GIGYF2: variants seen among roughly 807,000 people sequenced by gnomAD.
GIGYF2 encodes the protein GRB10 interacting GYF protein 2, also known as GRB10-interacting GYF protein 2.
GIGYF2 carries 25 observed loss-of-function variants against 208.1 expected under a neutral mutation model. The observed-to-expected ratio is 0.12, with a 90% CI of 0.09 to 0.17. GIGYF2 has a LOEUF of 0.17. Among genes scored for constraint, GIGYF2 ranks in the 10% least tolerant of loss-of-function variants. The pLI, the probability that GIGYF2 is intolerant of heterozygous loss-of-function variation, is 1.00. For synonymous variants in GIGYF2, 534 were observed against 543.8 expected (o/e 0.98, Z 0.25); for missense variants, 1,302 against 1,579.4 (o/e 0.82, Z 2.98).
chr2:232,841,210 G>T (rs1701804218), intron 23 of GIGYF2, among the ~76,000 whole-genome samples: 1 of 152,102 alleles, frequency 6.6e-6, no homozygotes, highest in African/African-American at 2.4e-5. Context: ...TACTGAATGA[G>T]AAGATAATAA....
Position 232,847,393 on chromosome 2 carries a change from A to G in GIGYF2, c.3506A>G (p.Glu1169Gly), listed in dbSNP as rs775036279. ...SFLKEVESPYEVHDYIRAYLG... is the reference protein window; with the variant it reads ...SFLKEVESPYGVHDYIRAYLG... The stretch of plus-strand genomic sequence containing the variant: ...CTGAAAGAAGTAGAATCTCCTTATG[A>G]GGTCCATGATTATATCAGGGCCTAT... Residue 1169 changes from glutamate to glycine, a missense_variant, in exon 27 of 29, where the codon GAG (glutamate) becomes GGG (glycine). Physicochemically the swap from Glu to Gly is moderately conservative, Grantham distance 98. This residue lies in a region of GIGYF2 where 701 missense variants were observed against 793.0 expected (regional missense o/e 0.88). Transcript: ENST00000373563. The G allele has an allele frequency of 6.2e-7, 1 of 1,612,892 alleles. No homozygotes were observed. Among genetic ancestry groups the G allele is most frequent in the Non-Finnish European group, 8.5e-7 (1 of 1,179,034 alleles).
chr2:232,715,928 C>T (rs1026078387), intron 2 of GIGYF2, among the ~76,000 whole-genome samples: 2 of 151,194 alleles, frequency 1.3e-5, no homozygotes, highest in Admixed American at 1.3e-4. Context: ...TTTCAACAGG[C>T]CAGGCCTATG....
intron 6 of GIGYF2, among the ~76,000 whole-genome samples, chr2:232,757,063 G>T (rs942076487): frequency 1.3e-5 from 2 of 152,182 alleles, no homozygotes; most frequent in Non-Finnish European, 2.9e-5. Flanking sequence ...AGAAATGGAA[G>T]AATTGGATGT....
At position 232,856,995 on chromosome 2, in the gene GIGYF2, T is replaced by C; in HGVS notation, c.*135T>C. ...ACAGAACCGATCATCTCAGGCTTTT[T>C]CTTCTGGCCCTTTGTGTCCAAGATT... On this transcript the variant is annotated 3_prime_UTR_variant, in exon 29 of 29. Transcript: ENST00000373563. 1.3e-6 allele frequency: 1 copy of C among 756,316 alleles called. No homozygotes were observed. The highest frequency in any genetic ancestry group is 1.9e-5 in the Admixed American group (1 of 53,354). The allele number at this position is 756,316 out of a possible 1,614,324, so 46.9% of individuals were successfully genotyped here. A position where few individuals can be genotyped will look rare whatever the true frequency, so the allele number is the denominator to read the frequency against.
rs552804488 is a variant in GIGYF2 at position 232,708,305 on chromosome 2, A to G, written c.-44+4816A>G. Among the ~76,000 whole-genome samples, 12 of 152,304 alleles carry G rather than the reference A, an allele frequency of 7.9e-5. 1 individual carries two copies. The South Asian group carries it at 2.3e-3, about 29-fold the overall frequency. ...GTTTCCCATAATGTATTATAAGAAC[A>G]TACACTCTTCCTTAATTGAGGGCAG... On this transcript the variant is annotated intron_variant, in intron 2 of 28. Coordinates refer to ENST00000373563, the MANE Select transcript of GIGYF2 (RefSeq NM_001103146.3).
chr2:232,736,687 T>G (rs888627944), intron 3 of GIGYF2: 3 of 152,216 alleles, frequency 2.0e-5, no homozygotes, highest in African/African-American at 7.2e-5. Flanking sequence ...CCTTAATTCC[T>G]TTTATCAGGT....
intron 2 of GIGYF2, among the ~76,000 whole-genome samples, chr2:232,720,585 T>TTTTTG (rs1553605423): frequency 1.6e-5 from 2 of 126,310 alleles, no homozygotes; most frequent in Admixed American, 1.5e-4. Flanking sequence ...ATATATATAT[T>TTTTTG]TTTGTTTGTT....
chr2:232,787,420 TAAAA>T (rs1699950758), intron 9 of GIGYF2, 91 bp downstream of exon 9: 1 of 1,134,836 alleles, frequency 8.8e-7, no homozygotes. Context: ...TAAACTGGCT[TAAAA>T]AATGTGGGGG....
At chr2:232,750,498 A>G (rs1247686998) in intron 5 of GIGYF2, among the ~76,000 whole-genome samples, 2 of 152,226 alleles carry the variant, frequency 1.3e-5, no homozygotes, top group Admixed American at 1.3e-4. Flanking sequence ...AATACAAGTG[A>G]TACGGTTCTG....
intron 3 of GIGYF2, among the ~76,000 whole-genome samples, chr2:232,746,339 T>C (rs1489209942): frequency 6.6e-6 from 1 of 152,206 alleles, no homozygotes. Context: ...CATATTAATA[T>C]TTAATGTGTC....
Position 232,756,216 on chromosome 2 carries a change from T to C in GIGYF2, c.268-7T>C. On this transcript the variant is annotated splice_region_variant and splice_polypyrimidine_tract_variant and intron_variant, in intron 5 of 28. Coordinates refer to ENST00000373563, the MANE Select transcript of GIGYF2 (RefSeq NM_001103146.3). ...TTTTCTCTTTTTTTTTTTTTTTTTT[T>C]TGGCAGAGAAACTTTTCCATGTCTG... is the stretch of plus-strand genomic sequence containing the variant. 7.5e-7 allele frequency: 1 copy of C among 1,340,010 alleles called. No homozygotes were observed. The highest frequency in any genetic ancestry group is 1.0e-6 in the Non-Finnish European group (1 of 962,420). 83.0% of individuals were successfully genotyped at this position (1,340,010 alleles called of 1,614,324 possible).
chr2:232,726,018 A>G (rs1438044418), intron 2 of GIGYF2, among the ~76,000 whole-genome samples: 1 of 152,196 alleles, frequency 6.6e-6, no homozygotes, highest in African/African-American at 2.4e-5. Flanking sequence ...TCAGGTGGCC[A>G]GTAGTAGTAA....
intron 9 of GIGYF2, chr2:232,788,083 G>A (rs1489915585): frequency 6.5e-6 from 1 of 154,388 alleles, no homozygotes; most frequent in African/African-American, 2.4e-5. Context: ...CAGAGTATAT[G>A]TGGAATGCCC....
intron 1 of GIGYF2, chr2:232,698,135 TAAATC>T (rs1314955595): frequency 2.0e-5 from 3 of 152,208 alleles, no homozygotes; most frequent in African/African-American, 4.8e-5. Context: ...GACTGAAACA[TAAATC>T]AAGCGAACAG....
In GIGYF2 at chr2:232,737,950, T is replaced by C. The variant is rs187752015; in HGVS notation, c.41+2712T>C. On this transcript the variant is annotated intron_variant, in intron 3 of 28. Transcript: ENST00000373563. ...TTTTTTGAGATGGAGTCAGCCTCGC[T>C]CTGTCGCCCAGGCTGGAGTGCAGTG... 3.2e-3 allele frequency among the ~76,000 whole-genome samples: 432 copies of C among 136,798 alleles called. 3 individuals carry two copies. Among genetic ancestry groups the C allele is most frequent in the Admixed American group, 5.9e-3 (72 of 12,158 alleles). 89.7% of individuals were successfully genotyped at this position (136,798 alleles called of 152,430 possible).
In GIGYF2 at chr2:232,849,976, A is replaced by G. The variant is rs13425918; in HGVS notation, c.3685-286A>G. ...TCCTAGCATTTGATACAGACTCTGT[A>G]TGTACCAGAGAAGTTCTGCCGTCAC... On this transcript the variant is annotated intron_variant, in intron 27 of 28. Transcript: ENST00000373563. 0.16 allele frequency among the ~76,000 whole-genome samples: 25,080 copies of G among 152,136 alleles called. 2,622 individuals carry two copies. Among genetic ancestry groups the G allele is most frequent in the Non-Finnish European group, 0.22 (14,848 of 67,984 alleles).
chr2:232,819,836 C>T lies in GIGYF2; in HGVS notation c.2380C>T (p.Leu794=), dbSNP rs772555573. 2 of 1,298,254 alleles carry T rather than the reference C, an allele frequency of 1.5e-6. No homozygotes were observed. The highest frequency in any genetic ancestry group is 4.3e-5 in the East Asian group (1 of 23,164). 80.4% of individuals were successfully genotyped at this position (1,298,254 alleles called of 1,614,324 possible). A position where few individuals can be genotyped will look rare whatever the true frequency, so the allele number is the denominator to read the frequency against. ...CATCTTTTTTCCTTAGGAAGAGGCT[C>T]TGCGTCGCCAGCGGGAGCAAGAAAT... ...ELARRKQEEA[L]RRQREQEIAL... The change falls in exon 21 of 29, where the codon CTG becomes TTG. Residue 794 remains leucine, a synonymous_variant. Coordinates refer to ENST00000373563, the MANE Select transcript of GIGYF2 (RefSeq NM_001103146.3).
At chr2:232,755,597 A>G (rs1490459932) in intron 5 of GIGYF2, among the ~76,000 whole-genome samples, 1 of 152,236 alleles carries the variant, frequency 6.6e-6, no homozygotes, top group African/African-American at 2.4e-5. Context: ...GTGCAAATGC[A>G]GGTTAATAAC....
intron 5 of GIGYF2, among the ~76,000 whole-genome samples, chr2:232,751,989 T>C (rs61518838): frequency 0.11 from 16,984 of 152,232 alleles, 1,301 homozygotes; most frequent in East Asian, 0.2. Flanking sequence ...TTTGTTCTTA[T>C]GATAGAAATA....
Sources: gnomAD v4.1 joint callset for allele counts (sites outside exome capture counted in the v4.1 genomes callset) on GRCh38, gnomAD v4.1.1 for gene constraint, gnomAD v4.1.1 regional missense constraint, MANE v1.5 for transcripts, NCBI Gene and HGNC (gene_info 2026-07-23, HGNC 2026-07-21) for gene names.